The following ZNF782 variants were observed in gnomAD, a reference collection of about 807,000 sequenced individuals.
ZNF782 encodes zinc finger protein 782.
Under a neutral mutation model 13.0 loss-of-function variants are expected in ZNF782, and 12 were observed. That is an observed-to-expected ratio of 0.92 (90% confidence interval 0.59 to 1.50). The LOEUF is 1.50. Ranked by LOEUF, ZNF782 falls within the 40% of genes most tolerant of loss-of-function variation. ZNF782 has a pLI of 0.00. For synonymous variants in ZNF782, 284 were observed against 283.0 expected (o/e 1.00, Z -0.04); for missense variants, 770 against 822.9 (o/e 0.94, Z 0.79).
chr9:96,817,739 G>T lies in ZNF782; in HGVS notation c.*184C>A. ...ATAGAAGACTGGGCTCTGGCTGAAAGAATGCCCATATAAAATAGATTTCAA... is the reference window on the plus strand; with the variant it reads ...ATAGAAGACTGGGCTCTGGCTGAAATAATGCCCATATAAAATAGATTTCAA... On this transcript the variant is annotated 3_prime_UTR_variant, in exon 6 of 6. Coordinates refer to ENST00000481138, the MANE Select transcript of ZNF782 (RefSeq NM_001001662.3). 1 of 532,526 alleles carries T rather than the reference G, an allele frequency of 1.9e-6. No homozygotes were observed. Among genetic ancestry groups the T allele is most frequent in the Non-Finnish European group, 3.2e-6 (1 of 317,192 alleles). The allele number at this position is 532,526 out of a possible 1,614,324, so 33.0% of individuals were successfully genotyped here. A position where few individuals can be genotyped will look rare whatever the true frequency, so the allele number is the denominator to read the frequency against.
At chr9:96,905,830 C>T in the ZNF782 span, among the ~76,000 whole-genome samples, 2 of 152,202 alleles carry the variant, frequency 1.3e-5, no homozygotes, top group Non-Finnish European at 2.9e-5. Context: ...ATGATCCACC[C>T]GCCTCGGCCT....
intron 4 of ZNF782, among the ~76,000 whole-genome samples, chr9:96,840,622 T>C (rs1564005908): frequency 6.6e-6 from 1 of 151,952 alleles, no homozygotes; most frequent in Non-Finnish European, 1.5e-5. Context: ...AATTAAACAG[T>C]TGTTAAGTTT....
chr9:96,900,633 C>T, the ZNF782 span, among the ~76,000 whole-genome samples: 3 of 151,614 alleles, frequency 2.0e-5, no homozygotes, highest in Non-Finnish European at 2.9e-5. Flanking sequence ...CTCAGCTACT[C>T]GGGAGGCTGA....
the ZNF782 span, among the ~76,000 whole-genome samples, chr9:96,903,852 G>A: frequency 3.9e-5 from 6 of 151,932 alleles, no homozygotes; most frequent in South Asian, 2.1e-4. Context: ...ATGAGCCTCC[G>A]CACCCGGCCA....
chr9:96,844,739 G>T, intron 4 of ZNF782, 151 bp downstream of exon 4: 1 of 1,028,358 alleles, frequency 9.7e-7, no homozygotes, highest in Non-Finnish European at 1.4e-6. Flanking sequence ...TTTATTTTCT[G>T]TTAAGTATAC....
upstream of ZNF782, among the ~76,000 whole-genome samples, chr9:96,856,906 G>A (rs1351408177): frequency 6.6e-6 from 1 of 152,154 alleles, no homozygotes; most frequent in African/African-American, 2.4e-5. Context: ...CTTTATACAC[G>A]TGCATTCCTT....
chr9:96,903,775 G>C, the ZNF782 span, among the ~76,000 whole-genome samples: 1 of 151,494 alleles, frequency 6.6e-6, no homozygotes, highest in East Asian at 1.9e-4. Context: ...TGTTCGCCAG[G>C]ATGGTCTCGA....
At chr9:96,853,875 T>G (rs1278332411) in intron 1 of ZNF782, among the ~76,000 whole-genome samples, 1 of 152,232 alleles carries the variant, frequency 6.6e-6, no homozygotes, top group Non-Finnish European at 1.5e-5. Flanking sequence ...ACCCAACGAA[T>G]GGAACAAAGT....
intron 4 of ZNF782, among the ~76,000 whole-genome samples, chr9:96,840,904 T>A (rs1212587539): frequency 6.6e-6 from 1 of 150,874 alleles, no homozygotes; most frequent in Non-Finnish European, 1.5e-5. Context: ...AAGTTAAGAG[T>A]AGAAATCAAC....
chr9:96,826,311 A>G (rs1427150550), intron 5 of ZNF782, among the ~76,000 whole-genome samples: 1 of 151,746 alleles, frequency 6.6e-6, no homozygotes, highest in Non-Finnish European at 1.5e-5. Context: ...AAAAAACCAA[A>G]CACCGCATAT....
At chr9:96,822,036 C>T (rs774951219) in intron 5 of ZNF782, among the ~76,000 whole-genome samples, 11 of 152,156 alleles carry the variant, frequency 7.2e-5, no homozygotes, top group South Asian at 2.1e-4. Context: ...ATATAACCTT[C>T]GTTCTGATAT....
chr9:96,910,065 C>T, the ZNF782 span: 35 of 592,074 alleles, frequency 5.9e-5, 1 homozygote, highest in Non-Finnish European at 9.9e-5. Flanking sequence ...AGATCACCGG[C>T]GTGCCCCACC....
chr9:96,875,569 A>G (rs373217567), exon 1 of ZNF782: 12 of 456,732 alleles, frequency 2.6e-5, no homozygotes, highest in African/African-American at 2.4e-4. Context: ...GTCAACGTTT[A>G]TAAACGGGCT....
At chr9:96,872,462 C>T (rs1465175074) in intron 1 of ZNF782, among the ~76,000 whole-genome samples, 5 of 151,032 alleles carry the variant, frequency 3.3e-5, no homozygotes, top group South Asian at 2.1e-4. Context: ...ACCTGAGGGG[C>T]GGAGGTTGCA....
rs1850241157 is a variant in ZNF782, at chr9:96,818,187, G to A, written c.1836C>T (p.His612=). 3 of 1,613,964 alleles carry A rather than the reference G, an allele frequency of 1.9e-6. No individual in the cohort carries two copies. The highest frequency in any genetic ancestry group is 2.5e-6 in the Non-Finnish European group (3 of 1,180,034). ...KSNLRGHQRT[H]TGEKPYECNE... ...TACATTCATAGGGCTTCTCCCCAGTGTGAGTTCTCTGATGCCCTCTGAGAT... is the reference window on the plus strand; with the variant it reads ...TACATTCATAGGGCTTCTCCCCAGTATGAGTTCTCTGATGCCCTCTGAGAT... The change falls in exon 6 of 6, where the codon CAC becomes CAT. Residue 612 remains histidine (H), a synonymous_variant. Transcript: ENST00000481138.
intron 4 of ZNF782, among the ~76,000 whole-genome samples, chr9:96,836,669 G>A (rs1375640040): frequency 6.6e-6 from 1 of 152,126 alleles, no homozygotes; most frequent in African/African-American, 2.4e-5. Context: ...TTTGGGTGTG[G>A]TTCATCCCTG....
At position 96,827,061 on chromosome 9, in the gene ZNF782, G is replaced by A; in HGVS notation, c.244+19C>T. ...TAGTGAATCAGAGAACCTTCTTCTT[G>A]TTGAATTCAGTAACTCACCTGGGGA... On this transcript the variant is annotated intron_variant, in intron 5 of 5. Coordinates refer to ENST00000481138, the MANE Select transcript of ZNF782 (RefSeq NM_001001662.3). 6.4e-7 allele frequency: 1 copy of A among 1,552,900 alleles called. No homozygotes were observed. The highest frequency in any genetic ancestry group is 8.8e-7 in the Non-Finnish European group (1 of 1,131,286).
At chr9:96,868,554 G>A (rs1323938484) in intron 1 of ZNF782, among the ~76,000 whole-genome samples, 3 of 152,176 alleles carry the variant, frequency 2.0e-5, no homozygotes, top group African/African-American at 4.8e-5. Flanking sequence ...AAAGCTGAAG[G>A]CTTGACTATG....
At chr9:96,881,874 C>A in the ZNF782 span, among the ~76,000 whole-genome samples, 2 of 151,764 alleles carry the variant, frequency 1.3e-5, no homozygotes, top group African/African-American at 4.8e-5. Flanking sequence ...TGTTTTATTT[C>A]ATAAAGTTGT....
Sources: allele counts gnomAD v4.1 joint callset (sites outside exome capture counted in the v4.1 genomes callset), GRCh38; gene constraint gnomAD v4.1.1; transcripts MANE v1.5; gene names NCBI Gene and HGNC (gene_info 2026-07-23, HGNC 2026-07-21).